Variants in PNPLA1 observed in about 807,000 individuals in gnomAD.
The protein encoded by PNPLA1 is omega-hydroxyceramide transacylase.
A neutral mutation model predicts 51.7 loss-of-function variants in PNPLA1; 36 were observed. That is an observed-to-expected ratio of 0.70 (90% CI 0.53 to 0.92). PNPLA1 has a LOEUF of 0.92. Ranked by LOEUF, PNPLA1 falls within the 40% of genes least tolerant of loss-of-function variation. The probability of loss-of-function intolerance (pLI) is 0.00; values close to 1 mark genes in which losing one functional copy is unlikely to be tolerated. For missense variants in PNPLA1, 658 were observed against 682.5 expected, an observed-to-expected ratio of 0.96 and a Z score of 0.40; for synonymous variants, 293 against 280.1, an observed-to-expected ratio of 1.05 and a Z score of -0.46.
intron 5 of PNPLA1, among the ~76,000 whole-genome samples, chr6:36,296,784 A>G (rs1260359636): frequency 6.6e-6 from 1 of 152,096 alleles, no homozygotes; most frequent in Non-Finnish European, 1.5e-5. Flanking sequence ...TCCCACCCAC[A>G]AGCTGTGTGA....
At chr6:36,295,321 C>A in intron 4 of PNPLA1, 43 bp from the exon 5 acceptor site, 1 of 1,607,900 alleles carries the variant, frequency 6.2e-7, no homozygotes, top group Non-Finnish European at 8.5e-7. Flanking sequence ...GGCTCCCTTC[C>A]TCCCCGCAGC....
intron 1 of PNPLA1, among the ~76,000 whole-genome samples, chr6:36,250,251 G>A (rs1047310826): frequency 6.6e-6 from 1 of 152,192 alleles, no homozygotes; most frequent in Admixed American, 6.5e-5. Context: ...CCCAAGAGAA[G>A]AGCCCCCTGT....
In PNPLA1 at chr6:36,294,183, C is replaced by G; in HGVS notation, c.505-7C>G. 1 of 1,613,842 alleles carries G rather than the reference C, an allele frequency of 6.2e-7. No homozygotes were observed. Among genetic ancestry groups the G allele is most frequent in the Non-Finnish European group, 8.5e-7 (1 of 1,179,844 alleles). ...CCAAGTGGGCATTTCTCACTCTGCCCCCACAGAGGTACATCGATGGGGGCT... is the reference window on the plus strand; with the variant it reads ...CCAAGTGGGCATTTCTCACTCTGCCGCCACAGAGGTACATCGATGGGGGCT... On this transcript the variant is annotated splice_region_variant and splice_polypyrimidine_tract_variant and intron_variant, in intron 3 of 8. Transcript: ENST00000636260. This position sits in a 1 kb window ranked among gnomAD's most constrained non-coding sequence, Gnocchi z 4.2.
intron 1 of PNPLA1, among the ~76,000 whole-genome samples, chr6:36,250,072 C>T (rs957025659): frequency 6.6e-6 from 1 of 152,196 alleles, no homozygotes; most frequent in African/African-American, 2.4e-5. Context: ...TTTCGGTTGG[C>T]TACCCAAACC....
chr6:36,259,600 G>GA (rs376961795), intron 1 of PNPLA1, among the ~76,000 whole-genome samples: 2,188 of 144,324 alleles, frequency 0.015, 39 homozygotes, highest in African/African-American at 0.047. Context: ...CTTTTCAGGA[G>GA]AAAAAAAAAA....
chr6:36,266,488 C>A (rs1308689753), upstream of PNPLA1, among the ~76,000 whole-genome samples: 3 of 152,162 alleles, frequency 2.0e-5, no homozygotes, highest in Admixed American at 6.5e-5. Context: ...CCCTGTGTGC[C>A]TTTTACCTTT....
intron 5 of PNPLA1, among the ~76,000 whole-genome samples, chr6:36,300,178 T>TGTGTGTGTGTGTGAGAGA: frequency 4.2e-4 from 41 of 98,140 alleles, no homozygotes; most frequent in African/African-American, 1.3e-3. Context: ...TGTGTGTGTG[T>TGTGTGTGTGTGTGAGAGA]GAGAGAGAGA....
intron 1 of PNPLA1, among the ~76,000 whole-genome samples, chr6:36,264,106 T>C (rs1172244670): frequency 2.6e-5 from 4 of 152,236 alleles, no homozygotes; most frequent in Non-Finnish European, 5.9e-5. Flanking sequence ...GCAACAGAAA[T>C]CTCTTCAATG....
upstream of PNPLA1, among the ~76,000 whole-genome samples, chr6:36,268,085 C>T (rs1192660089): frequency 6.6e-6 from 1 of 152,188 alleles, no homozygotes. Flanking sequence ...ATCCTCCTTC[C>T]TCATTCTCCA....
chr6:36,297,780 G>T (rs1312649506), intron 5 of PNPLA1, among the ~76,000 whole-genome samples: 1 of 151,990 alleles, frequency 6.6e-6, no homozygotes, highest in Non-Finnish European at 1.5e-5. Context: ...CGGCATTCAG[G>T]CATGCCTGGC....
chr6:36,281,476 T>A (rs1048420002), intron 1 of PNPLA1, among the ~76,000 whole-genome samples: 3 of 152,232 alleles, frequency 2.0e-5, no homozygotes, highest in Admixed American at 6.5e-5. Context: ...ATGCATCATT[T>A]ACTCTAATCC....
intron 1 of PNPLA1, among the ~76,000 whole-genome samples, chr6:36,282,342 T>C (rs1311430218): frequency 1.3e-5 from 2 of 152,264 alleles, no homozygotes; most frequent in East Asian, 3.8e-4. Flanking sequence ...CATTGTGCGA[T>C]AGTTGTTGTA....
At chr6:36,301,516 C>T (rs897343010) in intron 5 of PNPLA1, among the ~76,000 whole-genome samples, 1 of 152,012 alleles carries the variant, frequency 6.6e-6, no homozygotes, top group African/African-American at 2.4e-5. Context: ...GAAACACCCT[C>T]ACCACCCCGC....
rs181465031 is a variant in PNPLA1, at chr6:36,281,642, G to T, written c.206-9678G>T. Among the ~76,000 whole-genome samples, 285 of 152,316 alleles carry T rather than the reference G, an allele frequency of 1.9e-3. 1 individual carries two copies. Among genetic ancestry groups the T allele is most frequent in the Admixed American group, 6.5e-3 (100 of 15,304 alleles). ...TACATTCTACATCCTCTCTAATCAT[G>T]ATTTCAGAAATTGCTTTGCAAGCAA... On this transcript the variant is annotated intron_variant, in intron 1 of 8. Transcript: ENST00000636260.
At chr6:36,296,276 TA>T (rs1417533975) in intron 5 of PNPLA1, among the ~76,000 whole-genome samples, 5 of 152,162 alleles carry the variant, frequency 3.3e-5, no homozygotes, top group African/African-American at 1.2e-4. Flanking sequence ...ACCCTGTCTC[TA>T]AAAAAAGAAA....
chr6:36,300,161 TTG>T (rs145503312), intron 5 of PNPLA1, among the ~76,000 whole-genome samples: 89 of 103,014 alleles, frequency 8.6e-4, no homozygotes, highest in African/African-American at 1.8e-3. Context: ...TTTCTTATTC[TTG>T]TGTGTGTGTG....
chr6:36,293,112 A>G lies in PNPLA1; in HGVS notation c.490A>G (p.Thr164Ala), dbSNP rs770700883. 1 of 1,613,804 alleles carries G rather than the reference A, an allele frequency of 6.2e-7. No homozygotes were observed. The highest frequency in any genetic ancestry group is 2.2e-5 in the East Asian group (1 of 44,842). Residue 164 changes from threonine (T) to alanine (A), a missense_variant, in exon 3 of 9, where the codon ACT becomes GCT. By Grantham distance (58) the Thr-to-Ala change is moderately conservative (BLOSUM62 0). Transcript: ENST00000636260. ...GGTGTACTGTGGCCTCATCCCCCCGACTTACCGCGGTGTGGTGAGTGCTTC... is the reference window on the plus strand; with the variant it reads ...GGTGTACTGTGGCCTCATCCCCCCGGCTTACCGCGGTGTGGTGAGTGCTTC... ...VPVYCGLIPP[T>A]YRGVRYIDGG...
chr6:36,297,351 G>A (rs1030383761), intron 5 of PNPLA1, among the ~76,000 whole-genome samples: 4 of 152,140 alleles, frequency 2.6e-5, no homozygotes, highest in African/African-American at 9.7e-5. Context: ...TGCATCAGAT[G>A]TGAACAGGAA....
intron 1 of PNPLA1, among the ~76,000 whole-genome samples, chr6:36,280,851 G>T (rs1037871988): frequency 6.6e-6 from 1 of 152,156 alleles, no homozygotes; most frequent in Admixed American, 6.5e-5. Context: ...GTGCAGAGGC[G>T]CCATCATAGC....
Sources: allele counts gnomAD v4.1 joint callset (sites outside exome capture counted in the v4.1 genomes callset), GRCh38; gene constraint gnomAD v4.1.1; non-coding constraint Gnocchi (gnomAD v3.1); transcripts MANE v1.5; gene names NCBI Gene and HGNC (gene_info 2026-07-23, HGNC 2026-07-21).